STEAP1B: variants seen among roughly 807,000 people sequenced by gnomAD.
The protein encoded by STEAP1B is STEAP family protein MGC87042.
Under a neutral mutation model 27.9 loss-of-function variants are expected in STEAP1B, and 13 were observed. That is an observed-to-expected ratio of 0.47 (90% CI 0.30 to 0.74). The LOEUF is 0.74. Among genes scored for constraint, STEAP1B ranks in the 30% least tolerant of loss-of-function variants. The pLI, the probability that STEAP1B is intolerant of heterozygous loss-of-function variation, is 0.06. For synonymous variants in STEAP1B, 86 were observed against 107.1 expected (o/e 0.80, Z 1.22); for missense variants, 250 against 298.7 (o/e 0.84, Z 1.20).
chr7:22,441,211 C>T (rs115495426), intron 4 of STEAP1B, among the ~76,000 whole-genome samples: 1,799 of 152,222 alleles, frequency 0.012, 36 homozygotes, highest in African/African-American at 0.041. Flanking sequence ...CCCTTCCTAT[C>T]TCAAGTGTCC....
intron 4 of STEAP1B, among the ~76,000 whole-genome samples, chr7:22,440,558 G>T (rs1014705645): frequency 6.6e-6 from 1 of 152,088 alleles, no homozygotes; most frequent in Non-Finnish European, 1.5e-5. Context: ...CCATTTAGCC[G>T]CATTTGCTCT....
At chr7:22,433,844 T>G (rs1357558801) in intron 4 of STEAP1B, among the ~76,000 whole-genome samples, 2 of 152,144 alleles carry the variant, frequency 1.3e-5, no homozygotes, top group Non-Finnish European at 2.9e-5. Flanking sequence ...ATGATGAACA[T>G]GTGTGTATAC....
At chr7:22,438,303 T>C in intron 4 of STEAP1B, 1 of 641,834 alleles carries the variant, frequency 1.6e-6, no homozygotes, top group South Asian at 2.0e-5. Context: ...TGGTGTCCTA[T>C]GCAGTTTTTC....
intron 4 of STEAP1B, among the ~76,000 whole-genome samples, chr7:22,456,262 T>C (rs560917562): frequency 6.6e-6 from 1 of 152,344 alleles, no homozygotes; most frequent in African/African-American, 2.4e-5. Context: ...TTTGGATTGA[T>C]TATGGCAGTT....
intron 4 of STEAP1B, among the ~76,000 whole-genome samples, chr7:22,428,380 C>T (rs912549614): frequency 4.6e-5 from 7 of 152,212 alleles, no homozygotes; most frequent in African/African-American, 1.4e-4. Context: ...AAAATGAATT[C>T]GATCAATGGT....
At chr7:22,447,343 T>C (rs952343194) in intron 4 of STEAP1B, among the ~76,000 whole-genome samples, 7 of 152,246 alleles carry the variant, frequency 4.6e-5, no homozygotes, top group Non-Finnish European at 1.0e-4. Flanking sequence ...AAGAAATGAC[T>C]TCTTGTGTGT....
chr7:22,464,839 T>G (rs1206458167), intron 4 of STEAP1B, among the ~76,000 whole-genome samples: 2 of 150,094 alleles, frequency 1.3e-5, no homozygotes. Flanking sequence ...CAGTCTGGTA[T>G]TTTGCTATGG....
chr7:22,484,235 G>C (rs1786135713), intron 4 of STEAP1B, among the ~76,000 whole-genome samples: 1 of 152,214 alleles, frequency 6.6e-6, no homozygotes, highest in Non-Finnish European at 1.5e-5. Flanking sequence ...TCTAGGAGAA[G>C]TTCATGCCTG....
At chr7:22,495,464 C>T (rs1210252119) in intron 1 of STEAP1B, 1 of 149,734 alleles carries the variant, frequency 6.7e-6, no homozygotes, top group African/African-American at 2.5e-5. Context: ...ATGATGTGCC[C>T]AGTCTTCTGG....
chr7:22,470,945 T>G (rs889010522), intron 4 of STEAP1B, among the ~76,000 whole-genome samples: 1 of 152,198 alleles, frequency 6.6e-6, no homozygotes, highest in Non-Finnish European at 1.5e-5. Flanking sequence ...GAAAAAAATG[T>G]ATTCAAGAGC....
chr7:22,452,033 G>A (rs1785499584), intron 4 of STEAP1B, among the ~76,000 whole-genome samples: 1 of 152,008 alleles, frequency 6.6e-6, no homozygotes, highest in Non-Finnish European at 1.5e-5. Flanking sequence ...TTCTTCACTG[G>A]GATTCATTAG....
chr7:22,475,808 G>A (rs1191437329), intron 4 of STEAP1B, among the ~76,000 whole-genome samples: 1 of 152,184 alleles, frequency 6.6e-6, no homozygotes, highest in Non-Finnish European at 1.5e-5. Flanking sequence ...AGGGACTTGA[G>A]GCCCCAAATT....
intron 4 of STEAP1B, among the ~76,000 whole-genome samples, chr7:22,484,876 C>T (rs1456898741): frequency 6.6e-6 from 1 of 152,164 alleles, no homozygotes; most frequent in Admixed American, 6.5e-5. Flanking sequence ...TTCAAGACTT[C>T]AGTGGAAAAA....
At chr7:22,468,780 G>A (rs1271406661) in intron 4 of STEAP1B, among the ~76,000 whole-genome samples, 1 of 152,182 alleles carries the variant, frequency 6.6e-6, no homozygotes, top group Admixed American at 6.5e-5. Context: ...TAATGGAGCT[G>A]AAAAATTCTC....
intron 4 of STEAP1B, among the ~76,000 whole-genome samples, chr7:22,479,637 AG>A (rs1466872358): frequency 6.9e-6 from 1 of 144,688 alleles, no homozygotes; most frequent in Non-Finnish European, 1.5e-5. Context: ...CTCTCCCCCT[AG>A]AGTGGCGTTG....
At chr7:22,470,244 AAGGATGT>A (rs1352084171) in intron 4 of STEAP1B, among the ~76,000 whole-genome samples, 1 of 152,188 alleles carries the variant, frequency 6.6e-6, no homozygotes, top group Non-Finnish European at 1.5e-5. Flanking sequence ...CAAATATATA[AAGGATGT>A]AGCCGTATCG....
intron 4 of STEAP1B, among the ~76,000 whole-genome samples, chr7:22,457,764 C>T (rs1785611032): frequency 6.6e-6 from 1 of 152,202 alleles, no homozygotes; most frequent in South Asian, 2.1e-4. Context: ...AAGTTTTAAA[C>T]TTTGTAAACC....
chr7:22,427,599 C>T (rs1165984764), intron 4 of STEAP1B, among the ~76,000 whole-genome samples: 1 of 152,126 alleles, frequency 6.6e-6, no homozygotes, highest in South Asian at 2.1e-4. Context: ...AATCTAAAGC[C>T]GTAAAAGGCT....
At chr7:22,450,415 C>G (rs1046934531) in intron 4 of STEAP1B, among the ~76,000 whole-genome samples, 2 of 152,142 alleles carry the variant, frequency 1.3e-5, no homozygotes, top group Non-Finnish European at 2.9e-5. Flanking sequence ...TTCTTAGCAC[C>G]ATTTATTGAA....
Sources: allele counts gnomAD v4.1 joint callset (sites outside exome capture counted in the v4.1 genomes callset), GRCh38; gene constraint gnomAD v4.1.1; transcripts MANE v1.5; gene names NCBI Gene and HGNC (gene_info 2026-07-23, HGNC 2026-07-21).